The following PLA2G4A variants were observed in gnomAD, a reference collection of about 807,000 sequenced individuals.
PLA2G4A encodes phospholipase A2 group IVA.
A neutral mutation model predicts 81.9 loss-of-function variants in PLA2G4A; 40 were observed. That is an observed-to-expected ratio of 0.49 (90% CI 0.38 to 0.64). The LOEUF (loss-of-function observed/expected upper bound fraction) is 0.64. Ranked by LOEUF, PLA2G4A falls within the 30% of genes least tolerant of loss-of-function variation. The pLI is 0.00. For missense variants in PLA2G4A, 715 were observed against 905.1 expected, an observed-to-expected ratio of 0.79 and a Z score of 2.69; for synonymous variants, 302 against 296.9, an observed-to-expected ratio of 1.02 and a Z score of -0.18.
intron 12 of PLA2G4A, among the ~76,000 whole-genome samples, chr1:186,947,855 C>A (rs12720631): frequency 6.6e-6 from 1 of 152,028 alleles, no homozygotes; most frequent in African/African-American, 2.4e-5. Context: ...ACAAAGAAGT[C>A]GACAGAATAA....
intron 5 of PLA2G4A, among the ~76,000 whole-genome samples, chr1:186,904,035 G>A (rs1460928966): frequency 6.6e-6 from 1 of 152,204 alleles, no homozygotes; most frequent in Non-Finnish European, 1.5e-5. Flanking sequence ...AAGATAATTA[G>A]TGGGTTAGAT....
At chr1:186,975,641 A>C (rs1657504979) in intron 15 of PLA2G4A, among the ~76,000 whole-genome samples, 2 of 152,170 alleles carry the variant, frequency 1.3e-5, no homozygotes, top group Admixed American at 6.5e-5. Flanking sequence ...TAGAGATGAG[A>C]TGGGATTGGG....
At chr1:186,873,756 C>A (rs1304159974) in intron 3 of PLA2G4A, among the ~76,000 whole-genome samples, 2 of 152,056 alleles carry the variant, frequency 1.3e-5, no homozygotes, top group Non-Finnish European at 2.9e-5. Flanking sequence ...AATAAACTGT[C>A]TTTTGAAGAG....
chr1:186,832,308 A>T (rs1054349686), intron 1 of PLA2G4A, among the ~76,000 whole-genome samples: 3 of 152,118 alleles, frequency 2.0e-5, no homozygotes, highest in Admixed American at 6.5e-5. Context: ...GTTCTAAAAA[A>T]AATTTTATTA....
intron 5 of PLA2G4A, 32 bp from the exon 6 acceptor site, chr1:186,906,933 T>C: frequency 1.7e-6 from 2 of 1,210,738 alleles, no homozygotes; most frequent in Non-Finnish European, 2.5e-6. Context: ...ATCTACTTTA[T>C]GACCTAATCT....
chr1:186,857,575 A>T (rs1049467086), intron 2 of PLA2G4A, among the ~76,000 whole-genome samples: 2 of 144,032 alleles, frequency 1.4e-5, no homozygotes, highest in Non-Finnish European at 3.0e-5. Flanking sequence ...TATTAATATA[A>T]ATATAAAATA....
intron 1 of PLA2G4A, among the ~76,000 whole-genome samples, chr1:186,849,795 T>C (rs983746262): frequency 2.0e-5 from 3 of 152,120 alleles, no homozygotes; most frequent in Non-Finnish European, 2.9e-5. Context: ...TTTCTAGAGA[T>C]GGAATCTCCA....
At chr1:186,852,625 G>C (rs1652414302) in intron 1 of PLA2G4A, among the ~76,000 whole-genome samples, 1 of 151,864 alleles carries the variant, frequency 6.6e-6, no homozygotes, top group African/African-American at 2.4e-5. Context: ...AAGGCAAAAG[G>C]GCTAAGAGAG....
At chr1:186,933,844 G>A (rs1041054733) in intron 8 of PLA2G4A, among the ~76,000 whole-genome samples, 3 of 152,006 alleles carry the variant, frequency 2.0e-5, no homozygotes, top group Non-Finnish European at 4.4e-5. Flanking sequence ...ATAAACTCAG[G>A]CTTTTGATCT....
chr1:186,904,590 A>T (rs1266536442), intron 5 of PLA2G4A, among the ~76,000 whole-genome samples: 1 of 152,208 alleles, frequency 6.6e-6, no homozygotes, highest in Non-Finnish European at 1.5e-5. Flanking sequence ...GGAAGTGAGG[A>T]TCCTAATCCG....
intron 1 of PLA2G4A, among the ~76,000 whole-genome samples, chr1:186,839,744 A>G (rs1651912650): frequency 6.6e-6 from 1 of 152,158 alleles, no homozygotes; most frequent in African/African-American, 2.4e-5. Context: ...AAAAGTAGGT[A>G]GTATAAAAAG....
At chr1:186,860,425 C>T (rs898370577) in intron 2 of PLA2G4A, among the ~76,000 whole-genome samples, 4 of 151,858 alleles carry the variant, frequency 2.6e-5, no homozygotes, top group Non-Finnish European at 5.9e-5. Context: ...GGAGCTGTCT[C>T]GCTCAGTGAG....
At chr1:186,934,772 AT>A (rs1468205802) in intron 8 of PLA2G4A, among the ~76,000 whole-genome samples, 2 of 151,764 alleles carry the variant, frequency 1.3e-5, no homozygotes, top group African/African-American at 4.8e-5. Context: ...CATTTCACAC[AT>A]TGATTTGTGC....
At chr1:186,961,645 A>G (rs1449540268) in intron 14 of PLA2G4A, among the ~76,000 whole-genome samples, 1 of 152,178 alleles carries the variant, frequency 6.6e-6, no homozygotes, top group Non-Finnish European at 1.5e-5. Flanking sequence ...AGAAAGGATA[A>G]AAGGATACTA....
At chr1:186,967,465 C>CT (rs1286161516) in intron 15 of PLA2G4A, among the ~76,000 whole-genome samples, 2 of 136,858 alleles carry the variant, frequency 1.5e-5, no homozygotes, top group Non-Finnish European at 3.4e-5. Flanking sequence ...TTCATGAACT[C>CT]TTTTCTGTGT....
intron 2 of PLA2G4A, among the ~76,000 whole-genome samples, chr1:186,868,249 T>C (rs1653108416): frequency 6.6e-6 from 1 of 151,946 alleles, no homozygotes; most frequent in Admixed American, 6.6e-5. Flanking sequence ...TAATTTTTTT[T>C]GTATTTTTAG....
chr1:186,836,790 C>T (rs1359049874), intron 1 of PLA2G4A, among the ~76,000 whole-genome samples: 1 of 152,160 alleles, frequency 6.6e-6, no homozygotes, highest in Admixed American at 6.5e-5. Context: ...AGGTATAGTT[C>T]ATTCCGTCTT....
chr1:186,856,483 G>C (rs911734840), intron 2 of PLA2G4A, among the ~76,000 whole-genome samples: 1 of 150,634 alleles, frequency 6.6e-6, no homozygotes, highest in Non-Finnish European at 1.5e-5. Flanking sequence ...ACCATCTCTC[G>C]GGTTCAAGCA....
At chr1:186,895,068 T>A (rs971366985) in intron 5 of PLA2G4A, among the ~76,000 whole-genome samples, 5 of 152,168 alleles carry the variant, frequency 3.3e-5, no homozygotes, top group Middle Eastern at 6.3e-3. Flanking sequence ...CCTGTTACTG[T>A]CCCAAATGAG....
Sources: allele counts gnomAD v4.1 joint callset (sites outside exome capture counted in the v4.1 genomes callset), GRCh38; gene constraint gnomAD v4.1.1; transcripts MANE v1.5; gene names NCBI Gene and HGNC (gene_info 2026-07-23, HGNC 2026-07-21).